ZNF426: variants seen among roughly 807,000 people sequenced by gnomAD.
The protein encoded by ZNF426 is CTC-543D15.7.
Under a neutral mutation model 24.0 loss-of-function variants are expected in ZNF426, and 23 were observed. The observed-to-expected ratio is 0.96, with a 90% CI of 0.69 to 1.36. ZNF426 has a LOEUF of 1.36. Ranked by LOEUF, ZNF426 falls within the 40% of genes most tolerant of loss-of-function variation. The pLI, the probability that ZNF426 is intolerant of heterozygous loss-of-function variation, is 0.00. For synonymous variants in ZNF426, 272 were observed against 224.6 expected (o/e 1.21, Z -1.89); for missense variants, 646 against 658.4 (o/e 0.98, Z 0.21).
chr19:9,529,681 T>G (rs2073853864), intron 7 of ZNF426, 45 bp from the exon 8 acceptor site: 2 of 1,528,518 alleles, frequency 1.3e-6, no homozygotes, highest in African/African-American at 2.8e-5. Flanking sequence ...CTCAAACATA[T>G]TAACAGAACA....
In ZNF426 at chr19:9,529,337, C is replaced by T. The variant is rs754334739; in HGVS notation, c.708G>A (p.Glu236=). Residue 236 remains glutamate, a synonymous_variant, in exon 8 of 8, where the codon GAG becomes GAA. Transcript: ENST00000253115. ...CSHCGKSFIN[E]SYLQAHMRTH... is the part of the protein sequence containing the mutation. ...TTCTCATATGTGCCTGAAGGTATGA[C>T]TCATTAATGAAGGATTTTCCACAGT... 2 of 1,614,158 alleles carry T rather than the reference C, an allele frequency of 1.2e-6. No individual in the cohort carries two copies. The highest frequency in any genetic ancestry group is 1.7e-6 in the Non-Finnish European group (2 of 1,180,028).
chr19:9,531,198 A>C, intron 6 of ZNF426, 131 bp from the exon 7 acceptor site: 1 of 660,946 alleles, frequency 1.5e-6, no homozygotes, highest in Non-Finnish European at 2.7e-6. Context: ...CAGCCTGGCC[A>C]ACATGGCAAA....
intron 3 of ZNF426, among the ~76,000 whole-genome samples, chr19:9,535,929 G>A (rs548009207): frequency 2.6e-5 from 4 of 151,944 alleles, no homozygotes; most frequent in African/African-American, 9.6e-5. Context: ...GAGCTGTGCT[G>A]CCCATCAGGA....
intron 4 of ZNF426, 82 bp downstream of exon 4, chr19:9,535,106 A>T: frequency 2.3e-6 from 2 of 868,216 alleles, no homozygotes; most frequent in Non-Finnish European, 3.5e-6. Flanking sequence ...AGAAGTCTGG[A>T]GACAACTCTG....
At chr19:9,535,334 C>T (rs2073950294) in intron 3 of ZNF426, 55 bp from the exon 4 acceptor site, 1 of 1,347,668 alleles carries the variant, frequency 7.4e-7, no homozygotes, top group Admixed American at 1.8e-5. Flanking sequence ...CCCACATCCA[C>T]CTACCTAGAG....
Position 9,528,523 on chromosome 19 carries a change from C to T in ZNF426, c.1522G>A (p.Glu508Lys). 1 of 1,614,112 alleles carries T rather than the reference C, an allele frequency of 6.2e-7. No homozygotes were observed. Among genetic ancestry groups the T allele is most frequent in the South Asian group, 1.1e-5 (1 of 91,082 alleles). Residue 508 changes from glutamate (E) to lysine (K), a missense_variant, in exon 8 of 8, where the codon GAG becomes AAG. Transcript: ENST00000253115. ...HTGEKPYECK[E>K]CGKAFTCSSS... Reference sequence around the variant, plus strand: ...GAACACGTGAAGGCTTTCCCACACTCCTTGCATTCATAGGGTTTCTCTCCA... The same window carrying T: ...GAACACGTGAAGGCTTTCCCACACTTCTTGCATTCATAGGGTTTCTCTCCA...
intron 4 of ZNF426, 130 bp from the exon 5 acceptor site, chr19:9,534,096 G>T: frequency 1.5e-6 from 2 of 1,330,796 alleles, no homozygotes; most frequent in Non-Finnish European, 1.0e-6. Context: ...CAGGTTTTAA[G>T]GGTCCTAGAA....
At position 9,526,985 on chromosome 19, in the gene ZNF426, T is replaced by C. The variant is rs1028352138; in HGVS notation, c.*1395A>G. Reference sequence around the variant, plus strand: ...CTTCTGAAAAATAGCTACAATGTATTAGATTACATATGCTAATTTGTGTGT... The same window carrying C: ...CTTCTGAAAAATAGCTACAATGTATCAGATTACATATGCTAATTTGTGTGT... On this transcript the variant is annotated 3_prime_UTR_variant, in exon 8 of 8. Transcript: ENST00000253115. 5 of 152,304 alleles carry C rather than the reference T, an allele frequency of 3.3e-5. No homozygotes were observed. The highest frequency in any genetic ancestry group is 6.5e-5 in the Admixed American group (1 of 15,286). 9.4% of individuals were successfully genotyped at this position (152,304 alleles called of 1,614,324 possible).
intron 6 of ZNF426, among the ~76,000 whole-genome samples, chr19:9,532,311 T>A (rs1313387754): frequency 8.4e-6 from 1 of 118,726 alleles, no homozygotes; most frequent in Non-Finnish European, 1.7e-5. Flanking sequence ...GGGGTGGGGG[T>A]CAGTGGCCAG....
rs750578801 is a variant in ZNF426, at chr19:9,528,897, A to G, written c.1148T>C (p.Ile383Thr). The stretch of plus-strand genomic sequence containing the variant: ...AGGCTTCTCTCCAGTGTGAGTTCTT[A>G]TATGTTGAATAAGGCGTGAGGATGT... ...FLTSSRLIQH[I>T]RTHTGEKPFV... The change falls in exon 8 of 8, where the codon ATA becomes ACA. Residue 383 changes from isoleucine (I) to threonine (T), a missense_variant. Coordinates refer to ENST00000253115, the MANE Select transcript of ZNF426 (RefSeq NM_024106.3). 6.2e-7 allele frequency: 1 copy of G among 1,613,892 alleles called. No homozygotes were observed. The highest frequency in any genetic ancestry group is 8.5e-7 in the Non-Finnish European group (1 of 1,179,946).
intron 4 of ZNF426, among the ~76,000 whole-genome samples, chr19:9,534,654 G>A (rs959813466): frequency 1.3e-5 from 2 of 151,968 alleles, no homozygotes; most frequent in African/African-American, 4.8e-5. Flanking sequence ...GAGTGCAGTG[G>A]TGCAATCACA....
At chr19:9,529,794 A>G (rs1379450419) in intron 7 of ZNF426, among the ~76,000 whole-genome samples, 158 bp from the exon 8 acceptor site, 1 of 152,152 alleles carries the variant, frequency 6.6e-6, no homozygotes, top group Non-Finnish European at 1.5e-5. Context: ...AAGTGGTATG[A>G]CTTAACTCTT....
rs2073775169 is a variant in ZNF426 at position 9,524,782 on chromosome 19, A to AC, written c.*3597_*3598insG. 2 of 24,072 alleles carry AC rather than the reference A, an allele frequency of 8.3e-5. No homozygotes were observed. The highest frequency in any genetic ancestry group is 1.6e-4 in the Non-Finnish European group (2 of 12,274). 1.5% of individuals were successfully genotyped at this position (24,072 alleles called of 1,614,324 possible). On this transcript the variant is annotated 3_prime_UTR_variant, in exon 8 of 8. Transcript: ENST00000253115. ...GGCAACAAGAGCAAAACTCTGCCTC[A>AC]AAAAAAAAAAAAAAAAAAAAAAAAA... is the stretch of plus-strand genomic sequence containing the variant.
chr19:9,527,675 G>A lies in ZNF426; in HGVS notation c.*705C>T, dbSNP rs146188908. The stretch of plus-strand genomic sequence containing the variant: ...TAAGGCTTTTGGACAATCTATAAAC[G>A]TTTTTGCTTATTGCTTACTGTATTC... On this transcript the variant is annotated 3_prime_UTR_variant, in exon 8 of 8. Coordinates refer to ENST00000253115, the MANE Select transcript of ZNF426 (RefSeq NM_024106.3). 10 of 152,214 alleles carry A rather than the reference G, an allele frequency of 6.6e-5. No homozygotes were observed. The East Asian group carries it at 1.2e-3, about 18-fold the overall frequency. The allele number at this position is 152,214 out of a possible 1,614,324, so 9.4% of individuals were successfully genotyped here.
chr19:9,534,100 C>A, intron 4 of ZNF426, 134 bp from the exon 5 acceptor site: 1 of 1,179,678 alleles, frequency 8.5e-7, no homozygotes, highest in Non-Finnish European at 1.2e-6. Context: ...TTTTAAGGGT[C>A]CTAGAAACTC....
chr19:9,529,903 C>A (rs777470624), intron 7 of ZNF426, among the ~76,000 whole-genome samples: 1 of 151,804 alleles, frequency 6.6e-6, no homozygotes. Context: ...GGCAGATCAC[C>A]TGAGGTCAGG....
In ZNF426 at chr19:9,526,742, C is replaced by T. The variant is rs2073796016; in HGVS notation, c.*1638G>A. On this transcript the variant is annotated 3_prime_UTR_variant, in exon 8 of 8. Transcript: ENST00000253115. ...GCAAATCCAGGAGGCTAAGCAAACA[C>T]CAAGAAGGACGAGCACCAAAAACCT... 1 of 151,648 alleles carries T rather than the reference C, an allele frequency of 6.6e-6. No individual in the cohort carries two copies. Among genetic ancestry groups the T allele is most frequent in the African/African-American group, 2.4e-5 (1 of 41,264 alleles). 9.4% of individuals were successfully genotyped at this position (151,648 alleles called of 1,614,324 possible). A position where few individuals can be genotyped will look rare whatever the true frequency, so the allele number is the denominator to read the frequency against.
chr19:9,532,881 C>G lies in ZNF426; in HGVS notation c.289G>C (p.Glu97Gln), dbSNP rs769548399. The G allele has an allele frequency of 1.9e-6, 3 of 1,614,070 alleles. No homozygotes were observed. The South Asian group carries it at 3.3e-5, about 18-fold the overall frequency. The change falls in exon 6 of 8, where the codon GAA becomes CAA. Residue 97 changes from glutamate (E) to glutamine (Q), a missense_variant. Coordinates refer to ENST00000253115, the MANE Select transcript of ZNF426 (RefSeq NM_024106.3). ...CCTCCCTGAACTGTCCTTGACTCTT[C>G]TTGTTCCAACCAAGAGATTAGACTG... ...KPSLISWLEQ[E>Q]ESRTVQGGVL...
chr19:9,532,147 A>G (rs1247897444), intron 6 of ZNF426, among the ~76,000 whole-genome samples: 1 of 152,140 alleles, frequency 6.6e-6, no homozygotes, highest in Non-Finnish European at 1.5e-5. Flanking sequence ...TGGTGTACAC[A>G]GTGTAGATAC....
Sources: allele counts gnomAD v4.1 joint callset (sites outside exome capture counted in the v4.1 genomes callset), GRCh38; gene constraint gnomAD v4.1.1; transcripts MANE v1.5; gene names NCBI Gene and HGNC (gene_info 2026-07-23, HGNC 2026-07-21).